The following WASHC2C variants were observed in gnomAD, a reference collection of about 807,000 sequenced individuals.
The protein encoded by WASHC2C is WASH complex subunit 2C.
WASHC2C carries 73 observed loss-of-function variants against 142.2 expected under a neutral mutation model. The observed-to-expected ratio is 0.51, with a 90% CI of 0.43 to 0.62. The LOEUF is 0.62. Among genes scored for constraint, WASHC2C ranks in the 20% least tolerant of loss-of-function variants. The pLI is 0.00. For missense variants in WASHC2C, 969 were observed against 1,531.7 expected (o/e 0.63, Z 6.13); for synonymous variants, 337 against 565.5 (o/e 0.60, Z 5.73).
chr10:45,747,937 G>A (rs1426155512), intron 8 of WASHC2C, among the ~76,000 whole-genome samples: 1 of 136,372 alleles, frequency 7.3e-6, no homozygotes, highest in African/African-American at 2.9e-5. Context: ...TCTTCAGAAT[G>A]AGGTGGTATA....
In WASHC2C at chr10:45,789,125, C is replaced by T. The variant is rs2058250675; in HGVS notation, c.3342C>T (p.Ser1114=). 4 of 1,612,064 alleles carry T rather than the reference C, an allele frequency of 2.5e-6. No individual in the cohort carries two copies. The highest frequency in any genetic ancestry group is 3.4e-6 in the Non-Finnish European group (4 of 1,179,860). ...EGGPVPGVDT[S]PFAKSLGHSR... ...GTCCTGTGCCTGGAGTGGACACAAG[C>T]CCCTTTGCAAAGTCTCTGGGTCATT... is the stretch of plus-strand genomic sequence containing the variant. Residue 1114 remains serine, a synonymous_variant, in exon 29 of 31, where the codon AGC becomes AGT. Transcript: ENST00000623400.
At chr10:45,742,194 T>C (rs782555685) in intron 5 of WASHC2C, among the ~76,000 whole-genome samples, 20,560 of 151,918 alleles carry the variant, frequency 0.14, 882 homozygotes, top group Non-Finnish European at 0.2. Context: ...CACAGTCTCC[T>C]GCCCTCACTC....
chr10:45,732,010 A>T (rs1238202306), intron 3 of WASHC2C, among the ~76,000 whole-genome samples: 2 of 151,806 alleles, frequency 1.3e-5, no homozygotes, highest in Admixed American at 6.6e-5. Flanking sequence ...GTTAGCCAGG[A>T]TGGTCTCGAT....
chr10:45,777,349 A>C lies in WASHC2C; in HGVS notation c.2219A>C (p.Lys740Thr), dbSNP rs782739338. 3.5e-5 allele frequency: 56 copies of C among 1,608,366 alleles called. No individual in the cohort carries two copies. Among genetic ancestry groups the C allele is most frequent in the South Asian group, 2.5e-4 (23 of 90,922 alleles). ...GAGAAGGAGGCACAACTTGGAGTGA[A>C]GTCTGTGGATAAGAAGGTTGAGAGT... Reference protein sequence around the residue: ...EEEKEAQLGVKSVDKKVESAK... With the variant: ...EEEKEAQLGVTSVDKKVESAK... The change falls in exon 22 of 31, where the codon AAG (lysine) becomes ACG (threonine). Residue 740 changes from lysine (K) to threonine (T), a missense_variant. Physicochemically the swap from Lys to Thr is moderately conservative, Grantham distance 78. Coordinates refer to ENST00000623400, the MANE Select transcript of WASHC2C (RefSeq NM_001330074.2).
intron 17 of WASHC2C, among the ~76,000 whole-genome samples, chr10:45,759,757 T>G (rs1178424242): frequency 6.6e-6 from 1 of 151,034 alleles, no homozygotes; most frequent in East Asian, 2.0e-4. Context: ...AGGCAGAAGT[T>G]GCAATGAACC....
intron 15 of WASHC2C, 28 bp downstream of exon 15, chr10:45,755,143 A>T: frequency 8.2e-6 from 13 of 1,578,618 alleles, no homozygotes; most frequent in Non-Finnish European, 1.1e-5. Flanking sequence ...CGTTTCTAGG[A>T]CTTCAGCCAG....
chr10:45,736,592 T>G (rs1356567301), intron 3 of WASHC2C, among the ~76,000 whole-genome samples: 1 of 151,642 alleles, frequency 6.6e-6, no homozygotes, highest in Non-Finnish European at 1.5e-5. Context: ...AGAGCTAGAC[T>G]CTGTCTCTAA....
At chr10:45,762,995 G>C (rs2055324216) in intron 17 of WASHC2C, among the ~76,000 whole-genome samples, 1 of 152,120 alleles carries the variant, frequency 6.6e-6, no homozygotes, top group Admixed American at 6.5e-5. Context: ...TGGGAATCTA[G>C]CCCCTGTTTC....
chr10:45,727,059 C>G, upstream of WASHC2C: 2 of 1,207,062 alleles, frequency 1.7e-6, no homozygotes, highest in Non-Finnish European at 2.2e-6. Flanking sequence ...GCCTCTGCAG[C>G]GTTCCTGGCG....
At chr10:45,750,893 G>C in intron 10 of WASHC2C, 55 bp downstream of exon 10, 1 of 1,479,024 alleles carries the variant, frequency 6.8e-7, no homozygotes, top group East Asian at 2.5e-5. Flanking sequence ...AGGGCCCTCT[G>C]CTGGCTTCAC....
At position 45,752,589 on chromosome 10, in the gene WASHC2C, T is replaced by G. The variant is rs2053741267; in HGVS notation, c.1005T>G (p.Asp335Glu). 1.2e-6 allele frequency: 2 copies of G among 1,605,318 alleles called. No individual in the cohort carries two copies. The highest frequency in any genetic ancestry group is 2.7e-5 in the African/African-American group (2 of 74,034). Residue 335 changes from aspartate (D) to glutamate (E), a missense_variant and splice_region_variant, in exon 12 of 31, where the codon GAT becomes GAG. Asp to Glu is a conservative substitution (Grantham distance 45, BLOSUM62 2). Coordinates refer to ENST00000623400, the MANE Select transcript of WASHC2C (RefSeq NM_001330074.2). ...EKKERRTPSD[D>E]EEDNLFAPPK... ...AAAACATTGCTTTCTGTTTGCTAGA[T>G]GAAGAGGATAACTTATTCGCACCCC...
At chr10:45,751,702 A>G (rs2610435) in intron 11 of WASHC2C, 149 bp downstream of exon 11, 1 of 1,534,952 alleles carries the variant, frequency 6.5e-7, no homozygotes. Flanking sequence ...TCTGGGCTGG[A>G]CGCGGTGGCT....
At chr10:45,781,152 G>A (rs1198086255) in intron 23 of WASHC2C, among the ~76,000 whole-genome samples, 4 of 151,848 alleles carry the variant, frequency 2.6e-5, no homozygotes, top group African/African-American at 7.3e-5. Flanking sequence ...ATACTTAGGA[G>A]TAAATTTAGC....
At chr10:45,738,118 G>T in intron 4 of WASHC2C, 73 bp downstream of exon 4, 12 of 1,611,866 alleles carry the variant, frequency 7.4e-6, no homozygotes, top group Non-Finnish European at 9.3e-6. Context: ...GTGTTATGTG[G>T]GAACTGGGGG....
chr10:45,757,212 G>T (rs1450287489), intron 16 of WASHC2C, 73 bp downstream of exon 16: 79 of 1,607,644 alleles, frequency 4.9e-5, no homozygotes, highest in Non-Finnish European at 5.9e-5. Flanking sequence ...GAACCCAGAG[G>T]GAAGTACTGT....
upstream of WASHC2C, chr10:45,727,237 T>C: frequency 6.6e-7 from 1 of 1,524,118 alleles, no homozygotes; most frequent in Non-Finnish European, 8.8e-7. Context: ...CCGGGCAGCT[T>C]GGCTGGGGCT....
chr10:45,777,410 G>T lies in WASHC2C; in HGVS notation c.2280G>T (p.Val760=). 1.2e-6 allele frequency: 2 copies of T among 1,610,062 alleles called. No homozygotes were observed. The highest frequency in any genetic ancestry group is 1.7e-6 in the Non-Finnish European group (2 of 1,178,362). Residue 760 remains valine, a synonymous_variant, in exon 22 of 31, where the codon GTG becomes GTT. Transcript: ENST00000623400. ...KESLKFGRTD[V]AESEKEGLLT... Reference sequence around the variant, plus strand: ...CATTAAAATTTGGGAGAACTGATGTGGCTGAGTCAGAAAAGGTGGACTTTT... The same window carrying T: ...CATTAAAATTTGGGAGAACTGATGTTGCTGAGTCAGAAAAGGTGGACTTTT...
rs1371352378 is a variant in WASHC2C at position 45,777,569 on chromosome 10, C to G, written c.2295+144C>G. On this transcript the variant is annotated intron_variant, in intron 22 of 30. Coordinates refer to ENST00000623400, the MANE Select transcript of WASHC2C (RefSeq NM_001330074.2). ...GAAAACATAGACAAGCAGGCTGTGT[C>G]CCCACAGTGCAGGAAGCCTCTGCAG... 3.0e-5 allele frequency: 20 copies of G among 672,344 alleles called. No individual in the cohort carries two copies. The African/African-American group carries it at 3.4e-4, about 11-fold the overall frequency. 41.6% of individuals were successfully genotyped at this position (672,344 alleles called of 1,614,324 possible).
At chr10:45,746,409 A>G (rs2052837662) in intron 7 of WASHC2C, among the ~76,000 whole-genome samples, 191 bp from the exon 8 acceptor site, 1 of 152,232 alleles carries the variant, frequency 6.6e-6, no homozygotes, top group Non-Finnish European at 1.5e-5. Flanking sequence ...CCTTCACAAT[A>G]TTGCCAGCTA....
Sources: gnomAD v4.1 joint callset for allele counts (sites outside exome capture counted in the v4.1 genomes callset) on GRCh38, gnomAD v4.1.1 for gene constraint, MANE v1.5 for transcripts, NCBI Gene and HGNC (gene_info 2026-07-23, HGNC 2026-07-21) for gene names.